The following SEMA6B variants were observed in gnomAD, a reference collection of about 807,000 sequenced individuals.
SEMA6B encodes the protein semaphorin 6B, also known as semaphorin-6B.
Under a neutral mutation model 78.6 loss-of-function variants are expected in SEMA6B, and 47 were observed. The ratio of observed to expected loss-of-function variants is 0.60; its 90% confidence interval spans 0.47 to 0.76. The LOEUF (loss-of-function observed/expected upper bound fraction) is 0.76. SEMA6B is among the 30% of genes least tolerant of loss of function. The pLI is 0.00. For missense variants in SEMA6B, 1,213 were observed against 1,269.9 expected (o/e 0.96, Z 0.68); for synonymous variants, 632 against 592.2 (o/e 1.07, Z -0.98).
chr19:4,543,705 G>C lies in SEMA6B; in HGVS notation c.2563C>G (p.Arg855Gly), dbSNP rs1397787620. 4 of 1,229,624 alleles carry C rather than the reference G, an allele frequency of 3.3e-6. No homozygotes were observed. The highest frequency in any genetic ancestry group is 6.2e-4 in the Middle Eastern group (2 of 3,244). The allele number at this position is 1,229,624 out of a possible 1,614,324, so 76.2% of individuals were successfully genotyped here. Residue 855 changes from arginine (R) to glycine (G), a missense_variant, in exon 17 of 17, where the codon CGG becomes GGG. Coordinates refer to ENST00000586582, the MANE Select transcript of SEMA6B (RefSeq NM_032108.4). The stretch of plus-strand genomic sequence containing the variant: ...CAGCCGCGGTGGCGGTCCCCAGGCC[G>C]GGCCTCGCCGCTGTTGAACGTGTGG... Reference protein sequence around the residue: ...RTHTFNSGEARPGDRHRGCHA... With the variant: ...RTHTFNSGEAGPGDRHRGCHA...
In SEMA6B at chr19:4,550,776, C is replaced by A; in HGVS notation, c.1121+23G>T. The A allele has an allele frequency of 6.2e-7, 1 of 1,612,408 alleles. No individual in the cohort carries two copies. Among genetic ancestry groups the A allele is most frequent in the Non-Finnish European group, 8.5e-7 (1 of 1,179,546 alleles). ...ATCAGGACCTCATCCGGGCATGTGA[C>A]TCAGGATGGAGGGGGTTCTCACCGG... On this transcript the variant is annotated intron_variant, in intron 11 of 16. Coordinates refer to ENST00000586582, the MANE Select transcript of SEMA6B (RefSeq NM_032108.4). This position sits in a 1 kb window ranked among gnomAD's most constrained non-coding sequence, Gnocchi z 6.6.
rs1354914765 is a variant in SEMA6B, at chr19:4,542,732, T to C, written c.*869A>G. The C allele has an allele frequency of 1.4e-6, 1 of 693,362 alleles. No individual in the cohort carries two copies. Among genetic ancestry groups the C allele is most frequent in the Non-Finnish European group, 2.6e-6 (1 of 379,596 alleles). 43.0% of individuals were successfully genotyped at this position (693,362 alleles called of 1,614,324 possible). ...GGAGGTCACAAGGGGACGGGTGGCA[T>C]GGGACTCTCTCACCACCCTGGGGCC... On this transcript the variant is annotated 3_prime_UTR_variant, in exon 17 of 17. Transcript: ENST00000586582.
In SEMA6B at chr19:4,542,733, G is replaced by A. The variant is rs1429934145; in HGVS notation, c.*868C>T. 1.4e-6 allele frequency: 1 copy of A among 694,102 alleles called. No homozygotes were observed. Among genetic ancestry groups the A allele is most frequent in the South Asian group, 1.5e-5 (1 of 66,532 alleles). 43.0% of individuals were successfully genotyped at this position (694,102 alleles called of 1,614,324 possible). A position where few individuals can be genotyped will look rare whatever the true frequency, so the allele number is the denominator to read the frequency against. ...GAGGTCACAAGGGGACGGGTGGCAT[G>A]GGACTCTCTCACCACCCTGGGGCCG... is the stretch of plus-strand genomic sequence containing the variant. On this transcript the variant is annotated 3_prime_UTR_variant, in exon 17 of 17. Coordinates refer to ENST00000586582, the MANE Select transcript of SEMA6B (RefSeq NM_032108.4).
chr19:4,543,563 C>G lies in SEMA6B; in HGVS notation c.*38G>C, dbSNP rs1019211431. ...GGCACCGTCTCTCGCTCCTGGTTCCCGTGGCTGGCACTGCCAAGGCATCGG... is the reference window on the plus strand; with the variant it reads ...GGCACCGTCTCTCGCTCCTGGTTCCGGTGGCTGGCACTGCCAAGGCATCGG... On this transcript the variant is annotated 3_prime_UTR_variant, in exon 17 of 17. Transcript: ENST00000586582. 3.6e-6 allele frequency: 4 copies of G among 1,102,218 alleles called. No individual in the cohort carries two copies. Among genetic ancestry groups the G allele is most frequent in the Non-Finnish European group, 4.6e-6 (4 of 867,274 alleles). The allele number at this position is 1,102,218 out of a possible 1,614,324, so 68.3% of individuals were successfully genotyped here.
At chr19:4,556,136 C>T (rs1232826403) in intron 5 of SEMA6B, 47 bp from the exon 6 acceptor site, 2 of 1,383,102 alleles carry the variant, frequency 1.4e-6, no homozygotes, top group Non-Finnish European at 2.1e-6. Context: ...TGGGCGTGGT[C>T]ATGGTGATGG....
At position 4,550,055 on chromosome 19, in the gene SEMA6B, G is replaced by A. The variant is rs1977280306; in HGVS notation, c.1271+68C>T. On this transcript the variant is annotated intron_variant, in intron 12 of 16. Transcript: ENST00000586582. The surrounding 1 kb of genome is among the most constrained non-coding windows in gnomAD (Gnocchi z 6.6). Reference sequence around the variant, plus strand: ...ATGGGCTCATCTGTGTTGAGCATCTGGATCCTCTCACCCTCCATCTACCCC... The same window carrying A: ...ATGGGCTCATCTGTGTTGAGCATCTAGATCCTCTCACCCTCCATCTACCCC... 8 of 1,521,648 alleles carry A rather than the reference G, an allele frequency of 5.3e-6. No homozygotes were observed. Among genetic ancestry groups the A allele is most frequent in the Non-Finnish European group, 7.2e-6 (8 of 1,107,840 alleles). The allele number at this position is 1,521,648 out of a possible 1,614,324, so 94.3% of individuals were successfully genotyped here. A position where few individuals can be genotyped will look rare whatever the true frequency, so the allele number is the denominator to read the frequency against.
intron 5 of SEMA6B, 58 bp from the exon 6 acceptor site, chr19:4,556,147 G>C: frequency 8.0e-7 from 1 of 1,257,534 alleles, no homozygotes; most frequent in South Asian, 1.2e-5. Flanking sequence ...ATGGTGATGG[G>C]CGTGGCCAGA....
rs1398231801 is a variant in SEMA6B at position 4,544,491 on chromosome 19, G to C, written c.1777C>G (p.Leu593Val). 12 of 1,581,804 alleles carry C rather than the reference G, an allele frequency of 7.6e-6. No homozygotes were observed. Among genetic ancestry groups the C allele is most frequent in the Admixed American group, 1.8e-5 (1 of 57,110 alleles). The change falls in exon 17 of 17, where the codon CTG becomes GTG. Residue 593 changes from leucine to valine, a missense_variant. Physicochemically the swap from Leu to Val is conservative, Grantham distance 32. Coordinates refer to ENST00000586582, the MANE Select transcript of SEMA6B (RefSeq NM_032108.4). This position sits in a 1 kb window ranked among gnomAD's most constrained non-coding sequence, Gnocchi z 5.1. ...GTTACCAGCAGGTTCACCGACACCA[G>C]CCCCGCGCGGTCCTCGGAGAGGCTG... is the stretch of plus-strand genomic sequence containing the variant. ...RASLSEDRAGLVSVNLLVTSS... is the reference protein window; with the variant it reads ...RASLSEDRAGVVSVNLLVTSS...
At position 4,555,462 on chromosome 19, in the gene SEMA6B, G is replaced by C; in HGVS notation, c.562+12C>G. The stretch of plus-strand genomic sequence containing the variant: ...CTGGGGCTGATCAGATGGAGGTTGG[G>C]GGGGTACTTACCAGAGAAGAGGGCA... On this transcript the variant is annotated intron_variant, in intron 7 of 16. Transcript: ENST00000586582. The surrounding 1 kb of genome is among the most constrained non-coding windows in gnomAD (Gnocchi z 6.1). 6.2e-7 allele frequency: 1 copy of C among 1,607,750 alleles called. No individual in the cohort carries two copies. Among genetic ancestry groups the C allele is most frequent in the Non-Finnish European group, 8.5e-7 (1 of 1,176,380 alleles).
At position 4,558,916 on chromosome 19, in the gene SEMA6B, G is replaced by A. The variant is rs1029416596; in HGVS notation, c.-32-427C>T. Reference sequence around the variant, plus strand: ...GAATTTTATAAGCCACAAGCTGGCTGTGTGTGGTGGCTCACGCCTGTAATC... The same window carrying A: ...GAATTTTATAAGCCACAAGCTGGCTATGTGTGGTGGCTCACGCCTGTAATC... On this transcript the variant is annotated intron_variant, in intron 1 of 16. Coordinates refer to ENST00000586582, the MANE Select transcript of SEMA6B (RefSeq NM_032108.4). This position sits in a 1 kb window ranked among gnomAD's most constrained non-coding sequence, Gnocchi z 5.1. Among the ~76,000 whole-genome samples, 7 of 151,444 alleles carry A rather than the reference G, an allele frequency of 4.6e-5. No individual in the cohort carries two copies. Among genetic ancestry groups the A allele is most frequent in the African/African-American group, 1.5e-4 (6 of 41,190 alleles).
rs1054619415 is a variant in SEMA6B at position 4,558,870 on chromosome 19, A to T, written c.-32-381T>A. ...AATATTAAACTCAAAGGCTAAAAAA[A>T]AAAAGAGTCAAAGGCTCTTGGAATT... On this transcript the variant is annotated intron_variant, in intron 1 of 16. Coordinates refer to ENST00000586582, the MANE Select transcript of SEMA6B (RefSeq NM_032108.4). The surrounding 1 kb of genome is among the most constrained non-coding windows in gnomAD (Gnocchi z 5.1). 6.6e-6 allele frequency among the ~76,000 whole-genome samples: 1 copy of T among 152,104 alleles called. No individual in the cohort carries two copies. Among genetic ancestry groups the T allele is most frequent in the Non-Finnish European group, 1.5e-5 (1 of 68,030 alleles).
At chr19:4,549,903 G>A (rs1340217142) in intron 12 of SEMA6B, among the ~76,000 whole-genome samples, 3 of 152,054 alleles carry the variant, frequency 2.0e-5, no homozygotes, top group Non-Finnish European at 2.9e-5. Flanking sequence ...ATGAGCCACC[G>A]TGCCCAGCCC....
At chr19:4,556,125 G>GTGGGCGTGGTCATGGTGA (rs1173519845) in intron 5 of SEMA6B, 36 bp from the exon 6 acceptor site, 1 of 1,473,792 alleles carries the variant, frequency 6.8e-7, no homozygotes, top group Non-Finnish European at 9.5e-7. Context: ...GGAGCGCGAT[G>GTGGGCGTGGTCATGGTGA]TGGGCGTGGT....
rs1568257961 is a variant in SEMA6B, at chr19:4,555,442, GC to G, written c.562+31del. On this transcript the variant is annotated intron_variant, in intron 7 of 16. Transcript: ENST00000586582. This position sits in a 1 kb window ranked among gnomAD's most constrained non-coding sequence, Gnocchi z 6.1. ...ATGCCAGGTCTTGCCTGTGGCTGGGGCTGATCAGATGGAGGTTGGGGGGGTA... is the reference window on the plus strand; with the variant it reads ...ATGCCAGGTCTTGCCTGTGGCTGGGGTGATCAGATGGAGGTTGGGGGGGTA... The G allele has an allele frequency of 2.5e-6, 4 of 1,581,082 alleles. No homozygotes were observed. The highest frequency in any genetic ancestry group is 3.5e-6 in the Non-Finnish European group (4 of 1,156,858).
At chr19:4,557,295 A>G in intron 3 of SEMA6B, 72 bp from the exon 4 acceptor site, 1 of 1,127,928 alleles carries the variant, frequency 8.9e-7, no homozygotes, top group South Asian at 1.5e-5. Flanking sequence ...TCCCACTGCC[A>G]ATGTGGTGTG....
intron 4 of SEMA6B, 53 bp from the exon 5 acceptor site, chr19:4,557,066 G>A: frequency 4.4e-6 from 7 of 1,596,178 alleles, no homozygotes; most frequent in South Asian, 1.1e-5. Context: ...AGCCCTGAGT[G>A]ACCCCGCCGT....
rs1371261216 is a variant in SEMA6B, at chr19:4,555,512, G to A, written c.524C>T (p.Pro175Leu). Reference sequence around the variant, plus strand: ...AACATTGGCGTGCTTGGGGTCGTACGGGCAGCGGGCCATACCGCTGATGTT... The same window carrying A: ...AACATTGGCGTGCTTGGGGTCGTACAGGCAGCGGGCCATACCGCTGATGTT... ...GDNISGMARC[P>L]YDPKHANVAL... The change falls in exon 7 of 17, where the codon CCG becomes CTG. Residue 175 changes from proline (P) to leucine (L), a missense_variant. Pro to Leu is a moderately conservative substitution (Grantham distance 98). Coordinates refer to ENST00000586582, the MANE Select transcript of SEMA6B (RefSeq NM_032108.4). This position sits in a 1 kb window ranked among gnomAD's most constrained non-coding sequence, Gnocchi z 6.1. 1 of 1,613,516 alleles carries A rather than the reference G, an allele frequency of 6.2e-7. No homozygotes were observed.
intron 1 of SEMA6B, among the ~76,000 whole-genome samples, chr19:4,559,020 C>T (rs1192076894): frequency 6.6e-6 from 1 of 151,974 alleles, no homozygotes; most frequent in Non-Finnish European, 1.5e-5. Context: ...ATAGCGAAAC[C>T]CTGTCTCTAC....
chr19:4,553,213 T>G (rs919799), intron 9 of SEMA6B, among the ~76,000 whole-genome samples: 85,397 of 152,084 alleles, frequency 0.56, 24,587 homozygotes, highest in East Asian at 0.76. Flanking sequence ...TAGATGGATG[T>G]GTGGGTGGAT....
Sources: allele counts gnomAD v4.1 joint callset (sites outside exome capture counted in the v4.1 genomes callset), GRCh38; gene constraint gnomAD v4.1.1; non-coding constraint Gnocchi (gnomAD v3.1); transcripts MANE v1.5; gene names NCBI Gene and HGNC (gene_info 2026-07-23, HGNC 2026-07-21).